CPS1: variants seen among roughly 807,000 people sequenced by gnomAD.
CPS1 encodes the protein carbamoyl-phosphate synthase 1.
CPS1 carries 109 observed loss-of-function variants against 174.6 expected under a neutral mutation model. That is an observed-to-expected ratio of 0.62 (90% CI 0.53 to 0.73). The LOEUF (loss-of-function observed/expected upper bound fraction) is 0.73, where lower values mean the gene tolerates loss of function less well. CPS1 is among the 30% of genes least tolerant of loss of function. CPS1 has a pLI of 0.00. For missense variants in CPS1, 1,689 were observed against 1,821.9 expected (o/e 0.93, Z 1.33); for synonymous variants, 637 against 632.0 (o/e 1.01, Z -0.12).
intron 23 of CPS1, 143 bp downstream of exon 23, chr2:210,639,358 A>G (rs1700137780): frequency 1.0e-5 from 7 of 669,532 alleles, no homozygotes; most frequent in Non-Finnish European, 1.9e-5. Flanking sequence ...CACGCCTGTA[A>G]TCCCAGCACT....
intron 1 of CPS1, among the ~76,000 whole-genome samples, chr2:210,537,304 A>C (rs1175149914): frequency 6.6e-6 from 1 of 152,214 alleles, no homozygotes; most frequent in Non-Finnish European, 1.5e-5. Flanking sequence ...CTATGTGAAT[A>C]ATATTTTTTC....
At chr2:210,596,097 C>T (rs1429050977) in intron 13 of CPS1, among the ~76,000 whole-genome samples, 1 of 151,700 alleles carries the variant, frequency 6.6e-6, no homozygotes, top group African/African-American at 2.4e-5. Flanking sequence ...CCATCAGTGC[C>T]TGGGAAACGG....
At chr2:210,554,836 T>TACACACACACACAC (rs3060397), upstream of CPS1, among the ~76,000 whole-genome samples, 52 of 147,880 alleles carry the variant, frequency 3.5e-4, no homozygotes, top group African/African-American at 7.9e-4. Context: ...CAACCCTCAC[T>TACACACACACACAC]ACACACACAC....
chr2:210,482,306 C>CA (rs1184142292), intron 1 of CPS1, among the ~76,000 whole-genome samples: 1 of 144,522 alleles, frequency 6.9e-6, no homozygotes, highest in Non-Finnish European at 1.5e-5. Flanking sequence ...CGTTGAATCC[C>CA]TTTTTTTTTT....
intron 1 of CPS1, among the ~76,000 whole-genome samples, chr2:210,566,789 C>A (rs1466607327): frequency 6.6e-6 from 1 of 151,548 alleles, no homozygotes; most frequent in Non-Finnish European, 1.5e-5. Context: ...ATGAGAAAAC[C>A]CACTAATGGC....
chr2:210,613,836 G>T (rs532964260), intron 20 of CPS1, among the ~76,000 whole-genome samples: 1 of 152,044 alleles, frequency 6.6e-6, no homozygotes, highest in South Asian at 2.1e-4. Flanking sequence ...GGGGCTGCGT[G>T]TAAATTATTG....
chr2:210,658,828 A>G, intron 31 of CPS1, 140 bp downstream of exon 31: 1 of 704,336 alleles, frequency 1.4e-6, no homozygotes, highest in South Asian at 1.5e-5. Context: ...TGAGTGTGGA[A>G]TGATGCATAG....
chr2:210,659,006 G>C (rs1308107614), intron 31 of CPS1, among the ~76,000 whole-genome samples: 1 of 152,146 alleles, frequency 6.6e-6, no homozygotes, highest in Non-Finnish European at 1.5e-5. Flanking sequence ...GGAATGTGTA[G>C]AGTAGTCATA....
At chr2:210,534,772 C>T (rs375330624) in intron 1 of CPS1, among the ~76,000 whole-genome samples, 13 of 152,300 alleles carry the variant, frequency 8.5e-5, no homozygotes, top group Admixed American at 3.3e-4. Context: ...TAGTCACATA[C>T]AGTTTATTCA....
At chr2:210,505,366 A>G (rs1197592738) in intron 1 of CPS1, among the ~76,000 whole-genome samples, 1 of 152,074 alleles carries the variant, frequency 6.6e-6, no homozygotes, top group Non-Finnish European at 1.5e-5. Flanking sequence ...AAACAGTGAT[A>G]ATCTCAATAG....
At chr2:210,502,380 T>TATGTA (rs1340755352) in intron 1 of CPS1, among the ~76,000 whole-genome samples, 9 of 54,180 alleles carry the variant, frequency 1.7e-4, no homozygotes, top group Non-Finnish European at 3.8e-4. Context: ...TATATATATA[T>TATGTA]TTTTTTATAT....
At chr2:210,528,888 A>G (rs545309929) in intron 1 of CPS1, among the ~76,000 whole-genome samples, 38 of 148,572 alleles carry the variant, frequency 2.6e-4, no homozygotes, top group African/African-American at 9.4e-4. Flanking sequence ...TGACTATGAG[A>G]CAAGAAACAA....
At position 210,637,872 on chromosome 2, in the gene CPS1, C is replaced by G; in HGVS notation, c.2829+29C>G. 6.2e-6 allele frequency: 10 copies of G among 1,613,118 alleles called. No homozygotes were observed. The East Asian group carries it at 2.0e-4, about 32-fold the overall frequency. Reference sequence around the variant, plus strand: ...AAGGAGTTTCCCTTTTCCCCCATCCCCCACTGACAGGATTTCTGTGGTAAA... The same window carrying G: ...AAGGAGTTTCCCTTTTCCCCCATCCGCCACTGACAGGATTTCTGTGGTAAA... On this transcript the variant is annotated intron_variant, in intron 22 of 37. Transcript: ENST00000233072.
chr2:210,665,580 G>GT (rs1250357795), intron 33 of CPS1, among the ~76,000 whole-genome samples: 1 of 150,696 alleles, frequency 6.6e-6, no homozygotes, highest in Non-Finnish European at 1.5e-5. Flanking sequence ...GCGGTGTTTG[G>GT]TTTTTTGTCC....
chr2:210,671,165 A>G (rs1362839051), intron 34 of CPS1, among the ~76,000 whole-genome samples: 3 of 152,162 alleles, frequency 2.0e-5, no homozygotes. Context: ...GATCAAGAGC[A>G]CTCACTGTGT....
chr2:210,656,484 G>C, intron 29 of CPS1, 41 bp from the exon 30 acceptor site: 1 of 1,496,504 alleles, frequency 6.7e-7, no homozygotes, highest in Non-Finnish European at 9.3e-7. Flanking sequence ...GGAAGTACCT[G>C]AAAACTTTTT....
At chr2:210,502,462 G>GAT (rs200706157) in intron 1 of CPS1, among the ~76,000 whole-genome samples, 57,131 of 138,682 alleles carry the variant, frequency 0.41, 12,630 homozygotes, top group Non-Finnish European at 0.53. Context: ...GATACATATA[G>GAT]ATATATATAT....
chr2:210,546,315 A>G (rs1468257243), intron 1 of CPS1, among the ~76,000 whole-genome samples: 1 of 152,144 alleles, frequency 6.6e-6, no homozygotes. Flanking sequence ...TGAAGATACT[A>G]ATTTAGATCA....
chr2:210,486,107 CACACACAT>C (rs1475714739), intron 1 of CPS1, among the ~76,000 whole-genome samples: 6 of 63,332 alleles, frequency 9.5e-5, no homozygotes, highest in Non-Finnish European at 1.5e-4. Context: ...TATATATACA[CACACACAT>C]ACACACACAC....
Sources: gnomAD v4.1 joint callset for allele counts (sites outside exome capture counted in the v4.1 genomes callset) on GRCh38, gnomAD v4.1.1 for gene constraint, MANE v1.5 for transcripts, NCBI Gene and HGNC (gene_info 2026-07-23, HGNC 2026-07-21) for gene names.